Variants in FOCAD observed in about 807,000 individuals in gnomAD.
FOCAD encodes KIAA1797.
A neutral mutation model predicts 225.6 loss-of-function variants in FOCAD; 198 were observed. The ratio of observed to expected loss-of-function variants is 0.88; its 90% CI spans 0.78 to 0.99. FOCAD has a LOEUF of 0.99. Ranked by LOEUF, FOCAD falls within the 50% of genes least tolerant of loss-of-function variation. The probability of loss-of-function intolerance (pLI) is 0.00; values close to 1 mark genes in which losing one functional copy is unlikely to be tolerated. For missense variants in FOCAD, 2,713 were observed against 2,123.6 expected (o/e 1.28, Z -5.46); for synonymous variants, 897 against 755.0 (o/e 1.19, Z -3.08).
rs2131092669 is a variant in FOCAD, at chr9:20,780,116, A to G, written c.994+1348A>G. Among the ~76,000 whole-genome samples the G allele has an allele frequency of 1.3e-5, 2 of 152,322 alleles. 1 individual carries two copies. The highest frequency in any genetic ancestry group is 4.1e-4 in the South Asian group (2 of 4,830). On this transcript the variant is annotated intron_variant, in intron 9 of 43. Transcript: ENST00000338382. ...ATTTACATACCATAAAATTCAGAAT[A>G]AAGTGTTTTCTAGTAAATTTATAGA...
intron 15 of FOCAD, among the ~76,000 whole-genome samples, chr9:20,839,554 A>G (rs1277442568): frequency 1.3e-5 from 2 of 151,942 alleles, no homozygotes; most frequent in Non-Finnish European, 2.9e-5. Context: ...AGCCACTGCA[A>G]CCAGCCTGAA....
At position 20,740,298 on chromosome 9, in the gene FOCAD, G is replaced by C; in HGVS notation, c.350G>C (p.Gly117Ala). 1 of 1,611,612 alleles carries C rather than the reference G, an allele frequency of 6.2e-7. No homozygotes were observed. The highest frequency in any genetic ancestry group is 1.1e-5 in the South Asian group (1 of 90,804). Residue 117 changes from glycine to alanine, a missense_variant, in exon 5 of 44, where the codon GGA becomes GCA. Physicochemically the swap from Gly to Ala is moderately conservative, Grantham distance 60. Coordinates refer to ENST00000338382, the MANE Select transcript of FOCAD (RefSeq NM_001375567.1). ...CTACAAATGCAAGCTCTTAAGGAAG[G>C]ACAAGGTGGGGAAAAGAATATTCAG... ...HLLQMQALKE[G>A]QGGEKNIQSI...
chr9:20,978,650 A>T (rs1012404784), intron 37 of FOCAD, among the ~76,000 whole-genome samples, 196 bp downstream of exon 37: 1 of 152,264 alleles, frequency 6.6e-6, no homozygotes, highest in African/African-American at 2.4e-5. Context: ...ATTACCGTTC[A>T]TGCTTTAGCT....
chr9:20,747,934 A>G (rs939700618), intron 5 of FOCAD, among the ~76,000 whole-genome samples: 1 of 151,778 alleles, frequency 6.6e-6, no homozygotes, highest in Non-Finnish European at 1.5e-5. Context: ...TCATATCTAC[A>G]TACATTTCAT....
intron 11 of FOCAD, among the ~76,000 whole-genome samples, chr9:20,804,463 A>T (rs562872155): frequency 4.6e-5 from 7 of 152,100 alleles, no homozygotes; most frequent in Non-Finnish European, 1.0e-4. Flanking sequence ...TCCTGGAATC[A>T]TTTTTAAAAC....
intron 25 of FOCAD, among the ~76,000 whole-genome samples, chr9:20,924,300 T>G (rs1186326078): frequency 6.6e-6 from 1 of 152,228 alleles, no homozygotes; most frequent in Non-Finnish European, 1.5e-5. Context: ...TTGTTTTAAG[T>G]CTCATTATCT....
chr9:20,701,610 T>G (rs978837595), intron 1 of FOCAD, among the ~76,000 whole-genome samples: 8 of 152,234 alleles, frequency 5.3e-5, no homozygotes, highest in Non-Finnish European at 8.8e-5. Context: ...TTATCCTTTG[T>G]TACCTACTCA....
intron 35 of FOCAD, among the ~76,000 whole-genome samples, chr9:20,964,257 C>T (rs889957242): frequency 9.9e-5 from 15 of 152,024 alleles, no homozygotes; most frequent in Admixed American, 6.5e-4. Context: ...GTCCCAGCTA[C>T]TCAGGAGGCT....
At chr9:20,780,035 G>A (rs1435493534) in intron 9 of FOCAD, among the ~76,000 whole-genome samples, 1 of 152,148 alleles carries the variant, frequency 6.6e-6, no homozygotes, top group Non-Finnish European at 1.5e-5. Context: ...ATTTACCCGT[G>A]CTGGTACTTC....
At chr9:20,820,838 A>G (rs1353475027) in intron 13 of FOCAD, 103 bp from the exon 14 acceptor site, 1 of 1,259,326 alleles carries the variant, frequency 7.9e-7, no homozygotes, top group South Asian at 1.4e-5. Context: ...ATAATTTGCA[A>G]TGCAAATGGA....
intron 30 of FOCAD, among the ~76,000 whole-genome samples, chr9:20,947,620 G>C (rs918714248): frequency 1.1e-4 from 17 of 151,890 alleles, no homozygotes; most frequent in Non-Finnish European, 2.9e-5. Flanking sequence ...CGCTGAACTG[G>C]TATTCACAGT....
chr9:20,679,115 CTGTGTATGTGTGTGTGTGTGTGTGTG>C (rs1385160249), intron 2 of FOCAD, among the ~76,000 whole-genome samples: 5 of 92,964 alleles, frequency 5.4e-5, no homozygotes, highest in African/African-American at 1.6e-4. Flanking sequence ...AACAGACAGT[CTGTGTATGTGTGTGTGTGTGTGTGTG>C]TGTGTGTGTG....
intron 14 of FOCAD, 101 bp from the exon 15 acceptor site, chr9:20,822,888 G>A (rs1411918958): frequency 2.7e-6 from 3 of 1,121,792 alleles, no homozygotes; most frequent in African/African-American, 3.3e-5. Context: ...AGTGGCACAA[G>A]AGTATAGAAA....
intron 41 of FOCAD, 82 bp downstream of exon 41, chr9:20,988,511 C>A: frequency 2.6e-6 from 1 of 381,554 alleles, no homozygotes; most frequent in East Asian, 7.4e-5. Flanking sequence ...TGCGGTTTTG[C>A]CATTAATTGG....
At chr9:20,842,696 G>A (rs1257047107) in intron 15 of FOCAD, among the ~76,000 whole-genome samples, 1 of 151,928 alleles carries the variant, frequency 6.6e-6, no homozygotes, top group African/African-American at 2.4e-5. Flanking sequence ...TTTGATTGCA[G>A]AGTTTAGGCC....
At chr9:20,834,628 G>A (rs572151024) in intron 15 of FOCAD, among the ~76,000 whole-genome samples, 14 of 151,982 alleles carry the variant, frequency 9.2e-5, no homozygotes, top group Non-Finnish European at 1.5e-4. Context: ...CACATACCAC[G>A]CGATTCCTTC....
In FOCAD at chr9:20,944,608, A is replaced by T. The variant is rs763454567; in HGVS notation, c.3408-19A>T. 2.5e-6 allele frequency: 4 copies of T among 1,607,036 alleles called. No homozygotes were observed. The highest frequency in any genetic ancestry group is 2.7e-5 in the African/African-American group (2 of 74,762). On this transcript the variant is annotated intron_variant, in intron 28 of 43. Transcript: ENST00000338382. ...GGATTTCTTATGATCCTAACATCTTATCTTTTTTGGCTTCCAAGCACGGGC... is the reference window on the plus strand; with the variant it reads ...GGATTTCTTATGATCCTAACATCTTTTCTTTTTTGGCTTCCAAGCACGGGC...
At chr9:20,983,174 C>T (rs934250519) in intron 39 of FOCAD, among the ~76,000 whole-genome samples, 1 of 152,192 alleles carries the variant, frequency 6.6e-6, no homozygotes, top group Non-Finnish European at 1.5e-5. Flanking sequence ...GAGCCCCCAT[C>T]TAGGCCTACT....
intron 9 of FOCAD, 77 bp from the exon 10 acceptor site, chr9:20,781,650 C>G: frequency 7.6e-7 from 1 of 1,319,844 alleles, no homozygotes; most frequent in Admixed American, 1.7e-5. Flanking sequence ...TCTTGCATAT[C>G]ATTCTTAAGC....
Sources: gnomAD v4.1 joint callset for allele counts (sites outside exome capture counted in the v4.1 genomes callset) on GRCh38, gnomAD v4.1.1 for gene constraint, MANE v1.5 for transcripts, NCBI Gene and HGNC (gene_info 2026-07-23, HGNC 2026-07-21) for gene names.